Variants in EML4 observed in about 807,000 individuals in gnomAD.
EML4 encodes EMAP like 4, also known as echinoderm microtubule-associated protein-like 4.
A neutral mutation model predicts 129.0 loss-of-function variants in EML4; 72 were observed. The observed-to-expected ratio is 0.56, with a 90% CI of 0.46 to 0.68. EML4 has a LOEUF of 0.68. Ranked by LOEUF, EML4 falls within the 30% of genes least tolerant of loss-of-function variation. The pLI is 0.00. For synonymous variants in EML4, 532 were observed against 405.0 expected, an observed-to-expected ratio of 1.31 and a Z score of -3.77; for missense variants, 1,363 against 1,190.6, an observed-to-expected ratio of 1.14 and a Z score of -2.13.
intron 1 of EML4, among the ~76,000 whole-genome samples, chr2:42,217,731 A>G (rs1331100476): frequency 6.6e-6 from 1 of 152,182 alleles, no homozygotes; most frequent in Non-Finnish European, 1.5e-5. Context: ...ACATTGCTTG[A>G]TTGCTGAACT....
chr2:42,254,787 A>G (rs1024816929), intron 2 of EML4, among the ~76,000 whole-genome samples: 1 of 152,198 alleles, frequency 6.6e-6, no homozygotes, highest in African/African-American at 2.4e-5. Flanking sequence ...GCTCCTAGGT[A>G]TATACTCAAA....
intron 4 of EML4, among the ~76,000 whole-genome samples, chr2:42,262,934 T>A (rs1322988501): frequency 3.3e-5 from 5 of 152,196 alleles, no homozygotes; most frequent in South Asian, 2.1e-4. Flanking sequence ...AAGTGTTTTT[T>A]AAAAAAAATC....
At chr2:42,234,380 A>G (rs78830988) in intron 1 of EML4, among the ~76,000 whole-genome samples, 2,175 of 152,256 alleles carry the variant, frequency 0.014, 57 homozygotes, top group African/African-American at 0.05. Flanking sequence ...ATTGCTTACA[A>G]CATCGGTGGT....
chr2:42,191,166 A>C (rs1489094550), intron 1 of EML4, among the ~76,000 whole-genome samples: 1 of 152,192 alleles, frequency 6.6e-6, no homozygotes, highest in African/African-American at 2.4e-5. Flanking sequence ...CTTTATGTTC[A>C]TTATTTTTTT....
chr2:42,245,481 T>G, intron 1 of EML4, 24 bp from the exon 2 acceptor site: 2 of 1,520,038 alleles, frequency 1.3e-6, no homozygotes, highest in Non-Finnish European at 1.8e-6. Context: ...TTAAAAATAT[T>G]CCATATTTTA....
At chr2:42,180,578 A>G (rs1233093100) in intron 1 of EML4, among the ~76,000 whole-genome samples, 1 of 152,178 alleles carries the variant, frequency 6.6e-6, no homozygotes, top group African/African-American at 2.4e-5. Flanking sequence ...ACCTAGCCCA[A>G]GAGGTGATGA....
At chr2:42,214,771 A>G (rs1042275521) in intron 1 of EML4, among the ~76,000 whole-genome samples, 3 of 152,144 alleles carry the variant, frequency 2.0e-5, no homozygotes, top group Non-Finnish European at 2.9e-5. Context: ...CAAACCAAGT[A>G]TGTATCTGTG....
intron 1 of EML4, among the ~76,000 whole-genome samples, chr2:42,204,761 A>C (rs1334941118): frequency 2.0e-5 from 3 of 152,336 alleles, no homozygotes; most frequent in African/African-American, 4.8e-5. Context: ...GGATAAACAG[A>C]AATGGATGAT....
intron 4 of EML4, among the ~76,000 whole-genome samples, chr2:42,261,945 A>C (rs1338071108): frequency 6.6e-6 from 1 of 152,164 alleles, no homozygotes; most frequent in Non-Finnish European, 1.5e-5. Flanking sequence ...GAGAATCTAA[A>C]CCTGCATGCT....
intron 1 of EML4, among the ~76,000 whole-genome samples, chr2:42,244,404 GATGTTTCTAT>G (rs1675248660): frequency 6.6e-6 from 1 of 152,038 alleles, no homozygotes; most frequent in African/African-American, 2.4e-5. Context: ...GCCAGCAATT[GATGTTTCTAT>G]ATGTTTGGAT....
intron 1 of EML4, among the ~76,000 whole-genome samples, chr2:42,191,139 C>G (rs570884726): frequency 4.6e-5 from 7 of 152,224 alleles, no homozygotes; most frequent in African/African-American, 1.7e-4. Context: ...CCCTGATAAA[C>G]TTAGTTTACA....
intron 3 of EML4, among the ~76,000 whole-genome samples, chr2:42,258,325 G>C (rs1665481192): frequency 6.6e-6 from 1 of 151,894 alleles, no homozygotes; most frequent in African/African-American, 2.4e-5. Flanking sequence ...TTGGAACTCA[G>C]TTTTTTAATT....
At chr2:42,256,746 T>G (rs986998789) in intron 3 of EML4, 116 bp downstream of exon 3, 5 of 1,271,306 alleles carry the variant, frequency 3.9e-6, no homozygotes. Context: ...GAGCATGTCC[T>G]TTGAATTCTT....
chr2:42,264,715 TGTC>T lies in EML4; in HGVS notation c.652_654del (p.Val218del). ...TAAATTTCTTTTCTAGGCATAAAGA[TGTC>T]ATCATCAACCAAGGTAAATTAAAAA... On this transcript the variant is annotated inframe_deletion, in exon 6 of 23. Transcript: ENST00000318522. 1 of 1,444,700 alleles carries T rather than the reference TGTC, an allele frequency of 6.9e-7. No homozygotes were observed. The highest frequency in any genetic ancestry group is 9.6e-7 in the Non-Finnish European group (1 of 1,037,370). The allele number at this position is 1,444,700 out of a possible 1,614,324, so 89.5% of individuals were successfully genotyped here. A position where few individuals can be genotyped will look rare whatever the true frequency, so the allele number is the denominator to read the frequency against.
At chr2:42,242,331 C>T (rs1479145938) in intron 1 of EML4, among the ~76,000 whole-genome samples, 13 of 152,200 alleles carry the variant, frequency 8.5e-5, no homozygotes, top group Admixed American at 1.3e-4. Flanking sequence ...GACTTAATCG[C>T]GGCCTTTGGT....
chr2:42,297,967 C>T (rs556180940), intron 13 of EML4, among the ~76,000 whole-genome samples: 2 of 152,204 alleles, frequency 1.3e-5, no homozygotes, highest in South Asian at 2.1e-4. Context: ...TTAGTGTTTT[C>T]TGTTTCTTAA....
chr2:42,225,770 A>G (rs1673919416), intron 1 of EML4, among the ~76,000 whole-genome samples: 1 of 151,912 alleles, frequency 6.6e-6, no homozygotes, highest in Admixed American at 6.6e-5. Flanking sequence ...TATTGGATTG[A>G]TGTGTTTTTT....
chr2:42,294,587 T>C (rs950454740), intron 11 of EML4, among the ~76,000 whole-genome samples: 1 of 151,940 alleles, frequency 6.6e-6, no homozygotes, highest in African/African-American at 2.4e-5. Context: ...TCCCAGCTAC[T>C]GGGGAGGCTA....
chr2:42,307,358 G>T (rs1023787491), intron 17 of EML4, among the ~76,000 whole-genome samples: 1 of 152,232 alleles, frequency 6.6e-6, no homozygotes, highest in African/African-American at 2.4e-5. Context: ...TCATGAGAGT[G>T]ATGTGATAAC....
Sources: allele counts gnomAD v4.1 joint callset (sites outside exome capture counted in the v4.1 genomes callset), GRCh38; gene constraint gnomAD v4.1.1; transcripts MANE v1.5; gene names NCBI Gene and HGNC (gene_info 2026-07-23, HGNC 2026-07-21).